The following CNTN6 variants were observed in gnomAD, a reference collection of about 807,000 sequenced individuals.
The protein encoded by CNTN6 is contactin 6.
Under a neutral mutation model 122.8 loss-of-function variants are expected in CNTN6, and 137 were observed. The ratio of observed to expected loss-of-function variants is 1.12; its 90% CI spans 0.97 to 1.29. The LOEUF (loss-of-function observed/expected upper bound fraction) is 1.29. CNTN6 is among the 50% of genes most tolerant of loss of function. The pLI is 0.00. For synonymous variants in CNTN6, 570 were observed against 426.0 expected, an observed-to-expected ratio of 1.34 and a Z score of -4.16; for missense variants, 1,634 against 1,223.4, an observed-to-expected ratio of 1.34 and a Z score of -5.01.
chr3:1,178,428 A>T (rs2093492563), intron 2 of CNTN6, among the ~76,000 whole-genome samples: 1 of 152,024 alleles, frequency 6.6e-6, no homozygotes, highest in African/African-American at 2.4e-5. Flanking sequence ...TTTCTACTTG[A>T]TTTTTACCAT....
At chr3:1,356,614 G>C (rs1706596696) in intron 12 of CNTN6, among the ~76,000 whole-genome samples, 1 of 151,778 alleles carries the variant, frequency 6.6e-6, no homozygotes, top group Non-Finnish European at 1.5e-5. Flanking sequence ...TACACTTTCA[G>C]AGAAATGACA....
intron 12 of CNTN6, 123 bp from the exon 13 acceptor site, chr3:1,372,176 T>G (rs1351617791): frequency 1.6e-6 from 1 of 612,918 alleles, no homozygotes; most frequent in Non-Finnish European, 2.6e-6. Flanking sequence ...ATACTGGACA[T>G]TGTAGAACTC....
chr3:1,300,797 C>T lies in CNTN6; in HGVS notation c.761+2806C>T, dbSNP rs1177100789. Among the ~76,000 whole-genome samples the T allele has an allele frequency of 3.9e-5, 6 of 151,984 alleles. No homozygotes were observed. The East Asian group carries it at 1.2e-3, about 29-fold the overall frequency. ...AACCTGTGCTACATTCCCTTTCTCT[C>T]TCTCTCTCCCCCTCTCTCTCTTTCT... On this transcript the variant is annotated intron_variant, in intron 7 of 22. Transcript: ENST00000446702.
At chr3:1,126,091 G>A (rs2092148666) in intron 1 of CNTN6, among the ~76,000 whole-genome samples, 1 of 151,776 alleles carries the variant, frequency 6.6e-6, no homozygotes, top group Non-Finnish European at 1.5e-5. Flanking sequence ...TTACCCCAGA[G>A]TATTTTTGTC....
intron 1 of CNTN6, among the ~76,000 whole-genome samples, chr3:1,114,315 G>A (rs1045800308): frequency 6.6e-6 from 1 of 152,162 alleles, no homozygotes; most frequent in Non-Finnish European, 1.5e-5. Flanking sequence ...TTGAATGCAC[G>A]TTGTCATTAG....
At chr3:1,203,398 G>C (rs1051518458) in intron 2 of CNTN6, among the ~76,000 whole-genome samples, 1 of 152,160 alleles carries the variant, frequency 6.6e-6, no homozygotes, top group African/African-American at 2.4e-5. Context: ...AACTTAATCA[G>C]GCTAGTTTCA....
At chr3:1,382,900 T>C in intron 17 of CNTN6, 42 bp from the exon 18 acceptor site, 1 of 1,326,158 alleles carries the variant, frequency 7.5e-7, no homozygotes, top group Non-Finnish European at 1.1e-6. Context: ...CTTAATAAAA[T>C]ATTTTTGCAA....
chr3:1,317,094 A>G (rs1037036913), intron 7 of CNTN6, among the ~76,000 whole-genome samples: 1 of 151,980 alleles, frequency 6.6e-6, no homozygotes, highest in Admixed American at 6.6e-5. Context: ...TCAACATTTA[A>G]TTAGGAACTG....
chr3:1,387,774 C>A (rs1250769057), intron 20 of CNTN6, among the ~76,000 whole-genome samples: 1 of 148,536 alleles, frequency 6.7e-6, no homozygotes, highest in African/African-American at 2.5e-5. Context: ...CAGGGAGTTC[C>A]CTTTCCAAGT....
At chr3:1,250,449 C>T (rs1253220087) in intron 4 of CNTN6, among the ~76,000 whole-genome samples, 1 of 152,154 alleles carries the variant, frequency 6.6e-6, no homozygotes, top group Non-Finnish European at 1.5e-5. Context: ...CACGTTTTCA[C>T]AGCTGGAGTG....
intron 12 of CNTN6, 116 bp downstream of exon 12, chr3:1,352,567 C>A: frequency 8.1e-7 from 1 of 1,241,012 alleles, no homozygotes; most frequent in Non-Finnish European, 1.1e-6. Context: ...GTTGATTTCA[C>A]AAGTTATCTA....
intron 1 of CNTN6, among the ~76,000 whole-genome samples, chr3:1,136,952 G>A (rs1236978667): frequency 6.6e-6 from 1 of 152,170 alleles, no homozygotes; most frequent in African/African-American, 2.4e-5. Context: ...ATGAGGCAGT[G>A]CATGTAACTC....
chr3:1,372,438 A>G lies in CNTN6; in HGVS notation c.1632A>G (p.Leu544=), dbSNP rs769332566. 6.2e-7 allele frequency: 1 copy of G among 1,609,696 alleles called. No homozygotes were observed. Among genetic ancestry groups the G allele is most frequent in the South Asian group, 1.1e-5 (1 of 90,362 alleles). Residue 544 remains leucine (L), a synonymous_variant, in exon 13 of 23, where the codon TTA becomes TTG. Coordinates refer to ENST00000446702, the MANE Select transcript of CNTN6 (RefSeq NM_001289080.2). ...VWFFNGDVID[L]KKGVAHFERI... ...TTTTCAATGGAGATGTCATAGACTT[A>G]AAAAAAGGAGTGGCTCATTTTGAAA...
chr3:1,156,458 A>T (rs2092964094), intron 2 of CNTN6, among the ~76,000 whole-genome samples: 1 of 152,174 alleles, frequency 6.6e-6, no homozygotes, highest in African/African-American at 2.4e-5. Flanking sequence ...TAAAGGGAAA[A>T]TAAAAACTCA....
chr3:1,296,507 A>T (rs1275736105), intron 6 of CNTN6, among the ~76,000 whole-genome samples: 1 of 152,134 alleles, frequency 6.6e-6, no homozygotes, highest in Non-Finnish European at 1.5e-5. Context: ...TCACAGTGGG[A>T]TTCATACAGG....
intron 11 of CNTN6, among the ~76,000 whole-genome samples, chr3:1,341,668 G>T (rs1703908290): frequency 6.6e-6 from 1 of 152,160 alleles, no homozygotes; most frequent in African/African-American, 2.4e-5. Context: ...CCACTACAAA[G>T]ATCACACTTA....
At chr3:1,356,931 T>A (rs1040580648) in intron 12 of CNTN6, among the ~76,000 whole-genome samples, 5 of 151,806 alleles carry the variant, frequency 3.3e-5, no homozygotes, top group African/African-American at 1.2e-4. Context: ...CAAGTAAAAA[T>A]GTAAAAACAA....
chr3:1,312,224 T>C (rs1575655880), intron 7 of CNTN6, among the ~76,000 whole-genome samples: 2 of 152,042 alleles, frequency 1.3e-5, no homozygotes, highest in South Asian at 4.1e-4. Context: ...ATATAGTTTT[T>C]GAAAATTTTT....
intron 2 of CNTN6, among the ~76,000 whole-genome samples, chr3:1,190,070 G>A (rs561699508): frequency 5.4e-4 from 82 of 152,270 alleles, no homozygotes; most frequent in African/African-American, 1.6e-3. Context: ...GGGTGCCAAC[G>A]CAGTGAATCT....
Sources: gnomAD v4.1 joint callset for allele counts (sites outside exome capture counted in the v4.1 genomes callset) on GRCh38, gnomAD v4.1.1 for gene constraint, MANE v1.5 for transcripts, NCBI Gene and HGNC (gene_info 2026-07-23, HGNC 2026-07-21) for gene names.